STRIP2: variants seen among roughly 807,000 people sequenced by gnomAD.
STRIP2 encodes the protein striatin-interacting protein 2.
STRIP2 carries 84 observed loss-of-function variants against 107.1 expected under a neutral mutation model. The observed-to-expected ratio is 0.78, with a 90% CI of 0.66 to 0.94. STRIP2 has a LOEUF of 0.94. STRIP2 is among the 40% of genes least tolerant of loss of function. The pLI is 0.00. For synonymous variants in STRIP2, 394 were observed against 400.4 expected (o/e 0.98, Z 0.19); for missense variants, 888 against 1,034.2 (o/e 0.86, Z 1.94).
chr7:129,444,245 AATAG>A (rs1371400091), intron 3 of STRIP2, 147 bp downstream of exon 3: 2 of 588,156 alleles, frequency 3.4e-6, no homozygotes, highest in Non-Finnish European at 6.0e-6. Context: ...TAATATGATA[AATAG>A]ATAGATATAT....
chr7:129,455,093 G>C lies in STRIP2; in HGVS notation c.707-151G>C, dbSNP rs1184852607. On this transcript the variant is annotated intron_variant, in intron 7 of 20. Coordinates refer to ENST00000249344, the MANE Select transcript of STRIP2 (RefSeq NM_020704.3). ...TCCTGCCCTTGAGGGGCTTCCTTCTGGGGGCTAAGCCTCCTTCTCAGGACC... is the reference window on the plus strand; with the variant it reads ...TCCTGCCCTTGAGGGGCTTCCTTCTCGGGGCTAAGCCTCCTTCTCAGGACC... 3 of 952,642 alleles carry C rather than the reference G, an allele frequency of 3.1e-6. No individual in the cohort carries two copies. The East Asian group carries it at 8.5e-5, about 27-fold the overall frequency. 59.0% of individuals were successfully genotyped at this position (952,642 alleles called of 1,614,324 possible).
rs1584926626 is a variant in STRIP2 at position 129,434,535 on chromosome 7, C to T, written c.63C>T (p.Gly21=). ...CCGCAAATGGCAATGGCAACGGCGG[C>T]GGCAAAGGGAAGCAGGCGGCGCCCA... The part of the protein sequence containing the change: ...GPPANGNGNG[G]GKGKQAAPKG... Residue 21 remains glycine, a synonymous_variant, in exon 1 of 21, where the codon GGC becomes GGT. Coordinates refer to ENST00000249344, the MANE Select transcript of STRIP2 (RefSeq NM_020704.3). The T allele has an allele frequency of 2.6e-6, 4 of 1,517,940 alleles. No individual in the cohort carries two copies. Among genetic ancestry groups the T allele is most frequent in the East Asian group, 5.2e-5 (2 of 38,604 alleles). The allele number at this position is 1,517,940 out of a possible 1,614,324, so 94.0% of individuals were successfully genotyped here.
intron 16 of STRIP2, among the ~76,000 whole-genome samples, chr7:129,465,134 T>C (rs1436462659): frequency 3.3e-5 from 5 of 152,160 alleles, no homozygotes; most frequent in Non-Finnish European, 7.4e-5. Context: ...ATTCTGAGAA[T>C]AGGGCACAGT....
chr7:129,457,940 G>T, intron 9 of STRIP2: 2 of 448,594 alleles, frequency 4.5e-6, no homozygotes, highest in Non-Finnish European at 8.3e-6. Context: ...GGCAAAAAAA[G>T]GCATCACTGC....
chr7:129,455,949 A>G (rs1798335443), intron 8 of STRIP2, among the ~76,000 whole-genome samples: 2 of 152,148 alleles, frequency 1.3e-5, no homozygotes, highest in South Asian at 4.1e-4. Context: ...TTGCTTTTTA[A>G]AAAATAATGA....
In STRIP2 at chr7:129,461,599, T is replaced by C. The variant is rs1189643077; in HGVS notation, c.1476+1227T>C. Among the ~76,000 whole-genome samples the C allele has an allele frequency of 5.3e-5, 8 of 152,196 alleles. No individual in the cohort carries two copies. The South Asian group carries it at 6.2e-4, about 12-fold the overall frequency. The stretch of plus-strand genomic sequence containing the variant: ...AAAAGGAGTGATCTGCTGGGTAAAA[T>C]GCTACTAATAAGTGGCATTATGGTA... On this transcript the variant is annotated intron_variant, in intron 13 of 20. Coordinates refer to ENST00000249344, the MANE Select transcript of STRIP2 (RefSeq NM_020704.3). The surrounding 1 kb of genome is among the most constrained non-coding windows in gnomAD (Gnocchi z 4.0).
chr7:129,445,224 C>A (rs1259870015), intron 3 of STRIP2, among the ~76,000 whole-genome samples: 1 of 152,162 alleles, frequency 6.6e-6, no homozygotes, highest in Non-Finnish European at 1.5e-5. Flanking sequence ...TCCATGCATA[C>A]TCTTCCTTAC....
chr7:129,480,790 T>C lies in STRIP2; in HGVS notation c.1950T>C (p.Ala650=), dbSNP rs1799096422. ...ATGGATGTTCCCTACTATAGGAAGC[T>C]GGAGACAACAGCCAGTTCTGCTGGA... is the stretch of plus-strand genomic sequence containing the variant. ...LPELTTESLE[A]GDNSQFCWRN... Residue 650 remains alanine (A), a synonymous_variant, in exon 19 of 21, where the codon GCT becomes GCC. Transcript: ENST00000249344. 1 of 1,613,332 alleles carries C rather than the reference T, an allele frequency of 6.2e-7. No individual in the cohort carries two copies. Among genetic ancestry groups the C allele is most frequent in the African/African-American group, 1.3e-5 (1 of 75,012 alleles).
Position 129,486,706 on chromosome 7 carries a change from G to T in STRIP2, c.*877G>T, listed in dbSNP as rs972305182. Reference sequence around the variant, plus strand: ...TTATTCAGATGGTATGTCCACTTGTGGTCGTGATCAATATATTTTTCTAAT... The same window carrying T: ...TTATTCAGATGGTATGTCCACTTGTTGTCGTGATCAATATATTTTTCTAAT... On this transcript the variant is annotated 3_prime_UTR_variant, in exon 21 of 21. Coordinates refer to ENST00000249344, the MANE Select transcript of STRIP2 (RefSeq NM_020704.3). 1 of 152,050 alleles carries T rather than the reference G, an allele frequency of 6.6e-6. No individual in the cohort carries two copies. Among genetic ancestry groups the T allele is most frequent in the African/African-American group, 2.4e-5 (1 of 41,386 alleles). The allele number at this position is 152,050 out of a possible 1,614,324, so 9.4% of individuals were successfully genotyped here.
intron 1 of STRIP2, among the ~76,000 whole-genome samples, chr7:129,439,464 T>C (rs1254728988): frequency 1.3e-5 from 2 of 152,224 alleles, no homozygotes; most frequent in Admixed American, 1.3e-4. Flanking sequence ...GGATTATAAA[T>C]TTATACATAC....
rs543735073 is a variant in STRIP2 at position 129,452,752 on chromosome 7, C to T, written c.410-475C>T. ...AGGAAGTGTAGGGAATCAGTGTGCTCCTTTAGTTTAGCACCCTCATCCAAT... is the reference window on the plus strand; with the variant it reads ...AGGAAGTGTAGGGAATCAGTGTGCTTCTTTAGTTTAGCACCCTCATCCAAT... On this transcript the variant is annotated intron_variant, in intron 4 of 20. Transcript: ENST00000249344. Among the ~76,000 whole-genome samples the T allele has an allele frequency of 2.0e-5, 3 of 152,140 alleles. No homozygotes were observed. In the East Asian group the frequency reaches 5.8e-4, roughly 29 times the overall value.
In STRIP2 at chr7:129,458,454, G is replaced by A. The variant is rs1393017121; in HGVS notation, c.1274+4G>A. Reference sequence around the variant, plus strand: ...TGCCCTGGGCCCCAAAGGTCAGGTAGGTTTGATAGCATCAGGGACCCCTAT... The same window carrying A: ...TGCCCTGGGCCCCAAAGGTCAGGTAAGTTTGATAGCATCAGGGACCCCTAT... On this transcript the variant is annotated splice_donor_region_variant and intron_variant, in intron 10 of 20. Coordinates refer to ENST00000249344, the MANE Select transcript of STRIP2 (RefSeq NM_020704.3). This position sits in a 1 kb window ranked among gnomAD's most constrained non-coding sequence, Gnocchi z 4.6. 3 of 1,567,760 alleles carry A rather than the reference G, an allele frequency of 1.9e-6. No individual in the cohort carries two copies. Among genetic ancestry groups the A allele is most frequent in the South Asian group, 1.2e-5 (1 of 85,754 alleles).
chr7:129,469,821 CT>C (rs1157454606), intron 17 of STRIP2, among the ~76,000 whole-genome samples: 1 of 152,244 alleles, frequency 6.6e-6, no homozygotes, highest in Non-Finnish European at 1.5e-5. Flanking sequence ...AAAGCCACTG[CT>C]TTGCCAACAT....
rs755899463 is a variant in STRIP2, at chr7:129,456,638, G to A, written c.1034G>A (p.Arg345Gln). The A allele has an allele frequency of 1.1e-5, 18 of 1,613,634 alleles. No homozygotes were observed. The highest frequency in any genetic ancestry group is 1.7e-4 in the Middle Eastern group (1 of 5,918). Residue 345 changes from arginine (R) to glutamine (Q), a missense_variant, in exon 9 of 21, where the codon CGA becomes CAA. Coordinates refer to ENST00000249344, the MANE Select transcript of STRIP2 (RefSeq NM_020704.3). Reference sequence around the variant, plus strand: ...AAGCTGCGAGGCCGCCGTGGCTCTCGAAGGGTATGGACTGAAGCAGACAAT... The same window carrying A: ...AAGCTGCGAGGCCGCCGTGGCTCTCAAAGGGTATGGACTGAAGCAGACAAT... ...PSKLRGRRGS[R>Q]RQLLTKQDSL... is the part of the protein sequence containing the mutation.
chr7:129,454,610 A>AGTCGTT (rs1784960083), intron 7 of STRIP2, 83 bp downstream of exon 7: 1 of 861,776 alleles, frequency 1.2e-6, no homozygotes, highest in Non-Finnish European at 1.9e-6. Flanking sequence ...AGAGGCAGAC[A>AGTCGTT]GTCGTTTTTT....
intron 14 of STRIP2, among the ~76,000 whole-genome samples, chr7:129,463,653 G>A (rs1462647422): frequency 4.6e-5 from 7 of 152,148 alleles, no homozygotes; most frequent in African/African-American, 1.2e-4. Context: ...ATGCCACCAC[G>A]CCAGCTAGTT....
chr7:129,460,897 T>A (rs1798514832), intron 13 of STRIP2, among the ~76,000 whole-genome samples: 1 of 152,216 alleles, frequency 6.6e-6, no homozygotes, highest in Admixed American at 6.5e-5. Flanking sequence ...CGAGGACCTG[T>A]AAGCAAAGGT....
At position 129,434,540 on chromosome 7, in the gene STRIP2, A is replaced by G. The variant is rs1356540354; in HGVS notation, c.68A>G (p.Lys23Arg). 1 of 1,518,920 alleles carries G rather than the reference A, an allele frequency of 6.6e-7. No individual in the cohort carries two copies. Among genetic ancestry groups the G allele is most frequent in the Non-Finnish European group, 8.8e-7 (1 of 1,140,632 alleles). The allele number at this position is 1,518,920 out of a possible 1,614,324, so 94.1% of individuals were successfully genotyped here. Residue 23 changes from lysine (K) to arginine (R), a missense_variant, in exon 1 of 21, where the codon AAA (lysine) becomes AGA (arginine). Lys to Arg is a conservative substitution (Grantham distance 26, BLOSUM62 2). Coordinates refer to ENST00000249344, the MANE Select transcript of STRIP2 (RefSeq NM_020704.3). ...AATGGCAATGGCAACGGCGGCGGCA[A>G]AGGGAAGCAGGCGGCGCCCAAGGGC... ...PANGNGNGGG[K>R]GKQAAPKGRE...
rs969269645 is a variant in STRIP2 at position 129,437,916 on chromosome 7, C to G, written c.130-2106C>G. ...TGCCTCCCGGGTTCACGCCATTCTC[C>G]TGCCTCAGCCTCCCGAGTAGCTGGG... is the stretch of plus-strand genomic sequence containing the variant. On this transcript the variant is annotated intron_variant, in intron 1 of 20. Coordinates refer to ENST00000249344, the MANE Select transcript of STRIP2 (RefSeq NM_020704.3). Among the ~76,000 whole-genome samples, 9 of 151,900 alleles carry G rather than the reference C, an allele frequency of 5.9e-5. 1 individual carries two copies. The highest frequency in any genetic ancestry group is 1.9e-4 in the African/African-American group (8 of 41,346).
Sources: allele counts gnomAD v4.1 joint callset (sites outside exome capture counted in the v4.1 genomes callset), GRCh38; gene constraint gnomAD v4.1.1; non-coding constraint Gnocchi (gnomAD v3.1); transcripts MANE v1.5; gene names NCBI Gene and HGNC (gene_info 2026-07-23, HGNC 2026-07-21).